Variants in PHLDB2 observed in about 807,000 individuals in gnomAD.
The protein encoded by PHLDB2 is pleckstrin homology like domain family B member 2.
Under a neutral mutation model 123.6 loss-of-function variants are expected in PHLDB2, and 71 were observed. The ratio of observed to expected loss-of-function variants is 0.57; its 90% confidence interval spans 0.47 to 0.70. PHLDB2 has a LOEUF of 0.70. Among genes scored for constraint, PHLDB2 ranks in the 30% least tolerant of loss-of-function variants. The pLI is 0.00. For synonymous variants in PHLDB2, 547 were observed against 541.6 expected, an observed-to-expected ratio of 1.01 and a Z score of -0.14; for missense variants, 1,446 against 1,519.5, an observed-to-expected ratio of 0.95 and a Z score of 0.80.
intron 1 of PHLDB2, among the ~76,000 whole-genome samples, chr3:111,793,831 G>T (rs2108214857): frequency 6.6e-6 from 1 of 151,870 alleles, no homozygotes; most frequent in East Asian, 2.0e-4. Context: ...ACCTGGAATG[G>T]GGGCCTCAGG....
intron 2 of PHLDB2, among the ~76,000 whole-genome samples, chr3:111,898,181 T>TG (rs58353632): frequency 0.16 from 21,024 of 128,814 alleles, 1,578 homozygotes; most frequent in Admixed American, 0.22. Flanking sequence ...TGTGTGTGTG[T>TG]TTGTGTGTGT....
intron 12 of PHLDB2, 129 bp downstream of exon 12, chr3:111,954,158 TG>T (rs1458909871): frequency 2.1e-5 from 15 of 722,170 alleles, no homozygotes; most frequent in Non-Finnish European, 3.4e-5. Context: ...TTACTCTTAA[TG>T]TGTTCTCTTT....
intron 1 of PHLDB2, among the ~76,000 whole-genome samples, chr3:111,748,634 G>C (rs1460225947): frequency 1.3e-5 from 2 of 151,918 alleles, no homozygotes; most frequent in African/African-American, 4.8e-5. Flanking sequence ...CGATTCTCTT[G>C]CCTCAGCCTC....
chr3:111,960,603 A>G (rs2071343879), intron 12 of PHLDB2, among the ~76,000 whole-genome samples: 1 of 152,206 alleles, frequency 6.6e-6, no homozygotes, highest in Admixed American at 6.5e-5. Context: ...TGTTTAATCA[A>G]TAGCTGAGAA....
At chr3:111,935,392 G>A (rs969830420) in intron 6 of PHLDB2, among the ~76,000 whole-genome samples, 1 of 151,948 alleles carries the variant, frequency 6.6e-6, no homozygotes, top group Non-Finnish European at 1.5e-5. Context: ...ATTAGTCTTG[G>A]ACAAGTCATT....
intron 1 of PHLDB2, among the ~76,000 whole-genome samples, chr3:111,830,131 C>G (rs1277784684): frequency 6.6e-6 from 1 of 152,162 alleles, no homozygotes; most frequent in Admixed American, 6.5e-5. Context: ...TTGGAGCAGG[C>G]CTCCACTTTC....
At position 111,864,899 on chromosome 3, in the gene PHLDB2, A is replaced by G. The variant is rs577110635; in HGVS notation, c.-15+5323A>G. Among the ~76,000 whole-genome samples the G allele has an allele frequency of 9.2e-5, 14 of 152,340 alleles. No homozygotes were observed. In the South Asian group the frequency reaches 2.7e-3, roughly 29 times the overall value. ...AATTCAGTGGGAATTGGTGTTGATC[A>G]TCTTAGAATGTTTTGTTTGCACATT... On this transcript the variant is annotated intron_variant, in intron 1 of 17. Coordinates refer to ENST00000431670, the MANE Select transcript of PHLDB2 (RefSeq NM_001134438.2).
intron 2 of PHLDB2, among the ~76,000 whole-genome samples, chr3:111,912,955 G>A (rs1256753261): frequency 6.6e-6 from 1 of 152,196 alleles, no homozygotes; most frequent in Non-Finnish European, 1.5e-5. Flanking sequence ...CAGCCTTTGG[G>A]ACAGAGTAAG....
In PHLDB2 at chr3:111,976,274, T is replaced by C. The variant is rs1448608954; in HGVS notation, c.*1711T>C. On this transcript the variant is annotated 3_prime_UTR_variant, in exon 18 of 18. Transcript: ENST00000431670. Reference sequence around the variant, plus strand: ...TTTCACATTTGAAAATAAACTCATCTCTTATTTTGAAGTTACCTATCTGTA... The same window carrying C: ...TTTCACATTTGAAAATAAACTCATCCCTTATTTTGAAGTTACCTATCTGTA... 1 of 152,242 alleles carries C rather than the reference T, an allele frequency of 6.6e-6. No homozygotes were observed. Among genetic ancestry groups the C allele is most frequent in the African/African-American group, 2.4e-5 (1 of 41,462 alleles). 9.4% of individuals were successfully genotyped at this position (152,242 alleles called of 1,614,324 possible). A position where few individuals can be genotyped will look rare whatever the true frequency, so the allele number is the denominator to read the frequency against.
chr3:111,884,245 TG>T lies in PHLDB2; in HGVS notation c.170del (p.Gly57AlafsTer4). 1.2e-6 allele frequency: 2 copies of T among 1,614,088 alleles called. No individual in the cohort carries two copies. The highest frequency in any genetic ancestry group is 1.7e-6 in the Non-Finnish European group (2 of 1,179,900). Reference protein sequence around the residue: ...LRFKANGDYSGSYLTLSQPVP... With the variant: ...LRFKANGDYSXSYLTLSQPVP... Reference sequence around the variant, plus strand: ...GATTTAAAGCCAATGGAGACTATTCTGGCTCCTATTTAACCCTCTCACAACC... The same window carrying T: ...GATTTAAAGCCAATGGAGACTATTCTGCTCCTATTTAACCCTCTCACAACC... On this transcript the variant is annotated frameshift_variant, in exon 2 of 18. Transcript: ENST00000431670. LOFTEE classifies it high-confidence loss of function.
At chr3:111,940,118 T>C (rs1553225) in intron 7 of PHLDB2, among the ~76,000 whole-genome samples, 73,629 of 151,758 alleles carry the variant, frequency 0.49, 18,767 homozygotes, top group Non-Finnish European at 0.57. Flanking sequence ...TTTAGAATCA[T>C]ACCCAGGGCT....
At chr3:111,810,664 T>C (rs2061796771) in intron 1 of PHLDB2, among the ~76,000 whole-genome samples, 1 of 152,218 alleles carries the variant, frequency 6.6e-6, no homozygotes, top group Non-Finnish European at 1.5e-5. Context: ...GGCTTCAACA[T>C]ATAAATTTTC....
upstream of PHLDB2, among the ~76,000 whole-genome samples, chr3:111,855,276 T>C (rs2064431619): frequency 6.6e-6 from 1 of 152,208 alleles, no homozygotes; most frequent in Non-Finnish European, 1.5e-5. Context: ...GTCTGCTGTT[T>C]AGTTTACAAC....
At chr3:111,899,351 T>G (rs1388863750) in intron 2 of PHLDB2, among the ~76,000 whole-genome samples, 1 of 152,180 alleles carries the variant, frequency 6.6e-6, no homozygotes, top group Non-Finnish European at 1.5e-5. Flanking sequence ...CCATGATGGT[T>G]TGCTGCACCT....
intron 1 of PHLDB2, among the ~76,000 whole-genome samples, chr3:111,740,572 ACTT>A (rs370124216): frequency 8.7e-4 from 132 of 152,214 alleles, no homozygotes; most frequent in South Asian, 1.9e-3. Flanking sequence ...TATCTAACTA[ACTT>A]CTTCTTAGGT....
At chr3:111,813,404 T>G (rs909092047) in intron 1 of PHLDB2, among the ~76,000 whole-genome samples, 6 of 152,190 alleles carry the variant, frequency 3.9e-5, no homozygotes, top group Non-Finnish European at 7.4e-5. Context: ...CCTCTTTTGG[T>G]CTTTAGTTAA....
intron 1 of PHLDB2, among the ~76,000 whole-genome samples, chr3:111,776,868 G>A (rs1485720794): frequency 6.6e-6 from 1 of 152,136 alleles, no homozygotes; most frequent in Non-Finnish European, 1.5e-5. Flanking sequence ...GTCCAAAGAT[G>A]CTTAAGCTGA....
intron 1 of PHLDB2, among the ~76,000 whole-genome samples, chr3:111,769,592 GAAGGTTCAACCT>G: frequency 6.6e-6 from 1 of 152,300 alleles, no homozygotes; most frequent in South Asian, 2.1e-4. Context: ...GCAAGTTTAA[GAAGGTTCAACCT>G]AAGGGAAGAG....
chr3:111,914,683 C>A (rs1034089686), intron 3 of PHLDB2: 12 of 151,960 alleles, frequency 7.9e-5, no homozygotes, highest in African/African-American at 2.4e-4. Flanking sequence ...TTGTGGTAAG[C>A]AGATGAGCCT....
Sources: gnomAD v4.1 joint callset for allele counts (sites outside exome capture counted in the v4.1 genomes callset) on GRCh38, gnomAD v4.1.1 for gene constraint, MANE v1.5 for transcripts, NCBI Gene and HGNC (gene_info 2026-07-23, HGNC 2026-07-21) for gene names.